Variants in NMNAT2 observed in about 807,000 individuals in gnomAD.
NMNAT2 encodes the protein nicotinamide nucleotide adenylyltransferase 2, also known as nicotinamide/nicotinic acid mononucleotide adenylyltransferase 2.
NMNAT2 carries 11 observed loss-of-function variants against 41.6 expected under a neutral mutation model. The ratio of observed to expected loss-of-function variants is 0.26; its 90% CI spans 0.17 to 0.44. The LOEUF is 0.44. Ranked by LOEUF, NMNAT2 falls within the 20% of genes least tolerant of loss-of-function variation. The pLI, the probability that NMNAT2 is intolerant of heterozygous loss-of-function variation, is 1.00. For synonymous variants in NMNAT2, 148 were observed against 151.2 expected (o/e 0.98, Z 0.16); for missense variants, 288 against 407.7 (o/e 0.71, Z 2.53).
chr1:183,252,620 T>C lies in NMNAT2; in HGVS notation c.*21A>G, dbSNP rs752176689. On this transcript the variant is annotated 3_prime_UTR_variant, in exon 11 of 11. Transcript: ENST00000287713. ...TGACAAAGATGGAGGGGCCATTGTG[T>C]TGCCGGAGGACGAGGGGCTGCTAGC... is the stretch of plus-strand genomic sequence containing the variant. The C allele has an allele frequency of 6.5e-7, 1 of 1,549,658 alleles. No homozygotes were observed. Among genetic ancestry groups the C allele is most frequent in the Non-Finnish European group, 8.9e-7 (1 of 1,121,076 alleles).
intron 6 of NMNAT2, 41 bp downstream of exon 6, chr1:183,284,669 A>C (rs1661354492): frequency 9.2e-6 from 14 of 1,524,596 alleles, no homozygotes; most frequent in Non-Finnish European, 1.2e-5. Flanking sequence ...GGAGAGAAAG[A>C]AAAGAGACAG....
At chr1:183,310,317 C>T (rs1244005533) in intron 1 of NMNAT2, among the ~76,000 whole-genome samples, 1 of 152,228 alleles carries the variant, frequency 6.6e-6, no homozygotes, top group South Asian at 2.1e-4. Context: ...CTTGCATGAA[C>T]AGCAAATGCA....
rs959147503 is a variant in NMNAT2, at chr1:183,376,439, T to G, written c.85+41744A>C. ...TAAGTAAGCATCCATTGATCTATGA[T>G]GAGGAGTGGAAAAAATTGACTTCAC... On this transcript the variant is annotated intron_variant, in intron 1 of 10. Coordinates refer to ENST00000287713, the MANE Select transcript of NMNAT2 (RefSeq NM_015039.4). Among the ~76,000 whole-genome samples the G allele has an allele frequency of 2.6e-5, 4 of 152,154 alleles. No individual in the cohort carries two copies. The South Asian group carries it at 8.3e-4, about 31-fold the overall frequency.
At chr1:183,362,016 C>A (rs112160685) in intron 1 of NMNAT2, among the ~76,000 whole-genome samples, 3,770 of 152,298 alleles carry the variant, frequency 0.025, 76 homozygotes, top group Non-Finnish European at 0.038. Flanking sequence ...CGGCTCCCTG[C>A]AACCTCTGAC....
intron 4 of NMNAT2, among the ~76,000 whole-genome samples, chr1:183,287,231 GC>G (rs1201402088): frequency 6.6e-6 from 1 of 152,100 alleles, no homozygotes; most frequent in Non-Finnish European, 1.5e-5. Context: ...ATGAATATCT[GC>G]CCTCCCCAAA....
rs1274291979 is a variant in NMNAT2, at chr1:183,284,030, G to C, written c.539C>G (p.Ala180Gly). ...VERFTFVDEN[A>G]NLGTVMRYEE... is the part of the protein sequence containing the mutation. ...ATACCGCATCACCGTGCCCAGATTGGCATTCTCATCTAAGGAGGAAAGAAG... is the reference window on the plus strand; with the variant it reads ...ATACCGCATCACCGTGCCCAGATTGCCATTCTCATCTAAGGAGGAAAGAAG... The change falls in exon 7 of 11, where the codon GCC becomes GGC. Residue 180 changes from alanine (A) to glycine (G), a missense_variant. Ala to Gly is a moderately conservative substitution (Grantham distance 60). Coordinates refer to ENST00000287713, the MANE Select transcript of NMNAT2 (RefSeq NM_015039.4). 1 of 1,613,380 alleles carries C rather than the reference G, an allele frequency of 6.2e-7. No homozygotes were observed. The highest frequency in any genetic ancestry group is 8.5e-7 in the Non-Finnish European group (1 of 1,179,730).
chr1:183,285,518 A>G (rs543112048), intron 5 of NMNAT2, among the ~76,000 whole-genome samples: 2 of 152,318 alleles, frequency 1.3e-5, no homozygotes, highest in South Asian at 2.1e-4. Context: ...CCCCACATGT[A>G]GCTGTATGCA....
chr1:183,333,167 G>A lies in NMNAT2; in HGVS notation c.86-39374C>T, dbSNP rs151252537. ...GCCAATGCCCAGAGAACTCTCCAGG[G>A]GATACCTGGAGCTGGTAAAAGTGTG... On this transcript the variant is annotated intron_variant, in intron 1 of 10. Transcript: ENST00000287713. Among the ~76,000 whole-genome samples, 95 of 152,254 alleles carry A rather than the reference G, an allele frequency of 6.2e-4. 1 individual carries two copies. Among genetic ancestry groups the A allele is most frequent in the African/African-American group, 2.1e-3 (89 of 41,548 alleles).
At chr1:183,374,871 C>T (rs1663637146) in intron 1 of NMNAT2, among the ~76,000 whole-genome samples, 1 of 152,238 alleles carries the variant, frequency 6.6e-6, no homozygotes, top group Non-Finnish European at 1.5e-5. Context: ...GTCAGACTGA[C>T]CTTGGAACAA....
intron 1 of NMNAT2, among the ~76,000 whole-genome samples, chr1:183,365,194 C>A (rs1663390164): frequency 6.6e-6 from 1 of 151,610 alleles, no homozygotes; most frequent in African/African-American, 2.4e-5. Context: ...GGTGGCTTAA[C>A]ATTTATTTGA....
At chr1:183,392,937 T>G (rs1322738649) in intron 1 of NMNAT2, among the ~76,000 whole-genome samples, 1 of 152,240 alleles carries the variant, frequency 6.6e-6, no homozygotes, top group Non-Finnish European at 1.5e-5. Context: ...TACTACATCA[T>G]TTCCTTATTT....
chr1:183,344,182 A>G (rs974529192), intron 1 of NMNAT2, among the ~76,000 whole-genome samples: 4 of 152,176 alleles, frequency 2.6e-5, no homozygotes, highest in Non-Finnish European at 5.9e-5. Context: ...CCATCTATTG[A>G]CAAATTATTA....
intron 10 of NMNAT2, among the ~76,000 whole-genome samples, chr1:183,256,163 T>C (rs184340098): frequency 3.5e-4 from 54 of 152,144 alleles, no homozygotes; most frequent in Non-Finnish European, 4.4e-4. Flanking sequence ...ATCCCAGCAC[T>C]TTGGGAGGCT....
At chr1:183,253,306 ATAT>A (rs1160781304) in intron 10 of NMNAT2, among the ~76,000 whole-genome samples, 2 of 147,936 alleles carry the variant, frequency 1.4e-5, no homozygotes, top group Non-Finnish European at 3.0e-5. Context: ...ATATTATATT[ATAT>A]TATATTATTT....
intron 1 of NMNAT2, among the ~76,000 whole-genome samples, chr1:183,406,682 C>T (rs1003518093): frequency 3.9e-5 from 6 of 152,156 alleles, no homozygotes; most frequent in East Asian, 1.9e-4. Flanking sequence ...AATAAACCAA[C>T]GGTTTTTGGT....
intron 1 of NMNAT2, among the ~76,000 whole-genome samples, chr1:183,347,852 T>G (rs963461709): frequency 1.3e-5 from 2 of 152,134 alleles, no homozygotes; most frequent in African/African-American, 2.4e-5. Context: ...CCAGTTGACT[T>G]CAGCCCTTTT....
chr1:183,254,802 A>AT (rs1660476686), intron 10 of NMNAT2, among the ~76,000 whole-genome samples: 1 of 152,214 alleles, frequency 6.6e-6, no homozygotes, highest in African/African-American at 2.4e-5. Context: ...AGTTCTTTAT[A>AT]AATCTTGGAT....
intron 3 of NMNAT2, among the ~76,000 whole-genome samples, chr1:183,292,288 C>T (rs1661563285): frequency 6.6e-6 from 1 of 152,228 alleles, no homozygotes; most frequent in South Asian, 2.1e-4. Context: ...GCAGGAAAGC[C>T]ACCCAGTGGG....
At chr1:183,272,376 C>T (rs896236920) in intron 8 of NMNAT2, among the ~76,000 whole-genome samples, 1 of 152,140 alleles carries the variant, frequency 6.6e-6, no homozygotes, top group African/African-American at 2.4e-5. Flanking sequence ...CGAGGCTGGT[C>T]CAGAAGTCTG....
Sources: gnomAD v4.1 joint callset for allele counts (sites outside exome capture counted in the v4.1 genomes callset) on GRCh38, gnomAD v4.1.1 for gene constraint, MANE v1.5 for transcripts, NCBI Gene and HGNC (gene_info 2026-07-23, HGNC 2026-07-21) for gene names.